The following STS variants were observed in gnomAD, a reference collection of about 807,000 sequenced individuals.
STS encodes steryl-sulfatase.
A neutral mutation model predicts 26.8 loss-of-function variants in STS; 7 were observed. That is an observed-to-expected ratio of 0.26 (90% confidence interval 0.15 to 0.49). The LOEUF (loss-of-function observed/expected upper bound fraction) is 0.49, where lower values mean the gene tolerates loss of function less well. STS is among the 20% of genes least tolerant of loss of function. The pLI is 0.98. For synonymous variants in STS, 199 were observed against 189.4 expected (o/e 1.05, Z -0.42); for missense variants, 434 against 465.6 (o/e 0.93, Z 0.63).
intron 8 of STS, among the ~76,000 whole-genome samples, chrX:7,308,186 T>G (rs1232972254): frequency 8.9e-6 from 1 of 112,082 alleles, no homozygotes; most frequent in Non-Finnish European, 1.9e-5. Flanking sequence ...TTTCATTTTG[T>G]AGATGCCAGT....
intron 1 of STS, among the ~76,000 whole-genome samples, chrX:7,159,158 A>G (rs190598679): frequency 9.0e-5 from 10 of 110,689 alleles, no homozygotes; most frequent in African/African-American, 2.6e-4. Context: ...AAATGCTGTA[A>G]AAACAAACAA....
chrX:7,259,681 A>G lies in STS; in HGVS notation c.715A>G (p.Met239Val), dbSNP rs1218660920. The change falls in exon 6 of 11, where the codon ATG becomes GTG. Residue 239 changes from methionine to valine, a missense_variant. Physicochemically the swap from Met to Val is conservative, Grantham distance 21. This residue lies in a region of STS where 229 missense variants were observed against 288.3 expected (regional missense o/e 0.79). Transcript: ENST00000674429. ...TTACTTCCGGCCCCTGAACTGCTTC[A>G]TGATGAGGAACTACGAGATCATTCA... ...LHYFRPLNCF[M>V]MRNYEIIQQP... 1 of 1,210,932 alleles carries G rather than the reference A, an allele frequency of 8.3e-7. No homozygotes were observed.
chrX:7,257,551 G>C lies in STS; in HGVS notation c.345G>C (p.Lys115Asn), dbSNP rs1923485474. The C allele has an allele frequency of 1.7e-6, 2 of 1,210,563 alleles. No individual in the cohort carries two copies. Among genetic ancestry groups the C allele is most frequent in the South Asian group, 3.5e-5 (2 of 56,848 alleles). Residue 115 changes from lysine (K) to asparagine (N), a missense_variant, in exon 5 of 11, where the codon AAG becomes AAC. Transcript: ENST00000674429. ...CCACCGATGAGATTACCTTTGCTAA[G>C]CTTCTGAAGGATCAAGGTTATTCAA... ...GLPTDEITFA[K>N]LLKDQGYSTA... is the part of the protein sequence containing the mutation.
intron 6 of STS, among the ~76,000 whole-genome samples, chrX:7,275,444 A>G (rs1316537362): frequency 1.8e-5 from 2 of 111,692 alleles, no homozygotes; most frequent in Admixed American, 9.5e-5. Flanking sequence ...AATGATACCT[A>G]TATATACAAA....
chrX:7,150,830 G>A (rs1459878345), intron 1 of STS, among the ~76,000 whole-genome samples: 1 of 111,537 alleles, frequency 9.0e-6, no homozygotes, highest in Non-Finnish European at 1.9e-5. Context: ...AATGTGGTTT[G>A]TACACATATA....
chrX:7,206,145 G>C (rs1326636357), intron 2 of STS, among the ~76,000 whole-genome samples: 6 of 111,868 alleles, frequency 5.4e-5, no homozygotes, highest in African/African-American at 1.6e-4. Context: ...TCAATACTGA[G>C]ATTCATGCCC....
chrX:7,248,395 G>A (rs991164397), intron 2 of STS, among the ~76,000 whole-genome samples: 1 of 112,071 alleles, frequency 8.9e-6, no homozygotes, highest in East Asian at 2.8e-4. Flanking sequence ...TAGAGAAAGA[G>A]CTTCTTGTGG....
intron 3 of STS, among the ~76,000 whole-genome samples, 152 bp from the exon 4 acceptor site, chrX:7,257,089 CA>C (rs1469494509): frequency 8.9e-6 from 1 of 112,023 alleles, no homozygotes; most frequent in African/African-American, 3.2e-5. Context: ...CTGCCTCTAC[CA>C]AAAAATGCAA....
intron 1 of STS, among the ~76,000 whole-genome samples, chrX:7,177,864 A>T (rs933181804): frequency 1.0e-4 from 11 of 110,225 alleles, no homozygotes; most frequent in Admixed American, 7.8e-4. Flanking sequence ...CCCAGGCTCA[A>T]TTGTGGCTCA....
chrX:7,247,818 C>T (rs1489916129), intron 2 of STS, among the ~76,000 whole-genome samples: 1 of 111,759 alleles, frequency 8.9e-6, no homozygotes, highest in African/African-American at 3.3e-5. Flanking sequence ...CAGGCCCCTA[C>T]ACTAACAAAT....
rs1345319044 is a variant in STS, at chrX:7,352,954, C to CA, written c.*2694dup. 3 of 109,343 alleles carry CA rather than the reference C, an allele frequency of 2.7e-5. No individual in the cohort carries two copies. Among genetic ancestry groups the CA allele is most frequent in the Non-Finnish European group, 5.7e-5 (3 of 52,725 alleles). 9.0% of individuals were successfully genotyped at this position (109,343 alleles called of 1,213,427 possible). A position where few individuals can be genotyped will look rare whatever the true frequency, so the allele number is the denominator to read the frequency against. On this transcript the variant is annotated 3_prime_UTR_variant, in exon 11 of 11. Coordinates refer to ENST00000674429, the MANE Select transcript of STS (RefSeq NM_001320752.2). ...GAAAAGTGAAGGGGAAACACACACA[C>CA]ACAAAAAAACAAGTATTTGGCTTGT...
intron 2 of STS, among the ~76,000 whole-genome samples, chrX:7,224,716 T>A (rs1291844028): frequency 8.9e-6 from 1 of 112,007 alleles, no homozygotes; most frequent in Non-Finnish European, 1.9e-5. Context: ...CCCAATCTGT[T>A]GCATTCCACG....
intron 1 of STS, among the ~76,000 whole-genome samples, chrX:7,168,110 C>G (rs1372192467): frequency 9.0e-6 from 1 of 111,072 alleles, no homozygotes; most frequent in Non-Finnish European, 1.9e-5. Context: ...CATTTCCACC[C>G]TCACTCAAGA....
chrX:7,260,485 A>G (rs954977279), intron 6 of STS, among the ~76,000 whole-genome samples: 2 of 111,623 alleles, frequency 1.8e-5, no homozygotes, highest in African/African-American at 6.5e-5. Flanking sequence ...GGCTCACTGC[A>G]ACCTCCACCT....
chrX:7,236,708 G>GT (rs748166850), intron 2 of STS, among the ~76,000 whole-genome samples: 1 of 111,919 alleles, frequency 8.9e-6, no homozygotes, highest in South Asian at 3.6e-4. Flanking sequence ...CATTTGACTA[G>GT]TCCTTTTTTC....
intron 2 of STS, among the ~76,000 whole-genome samples, chrX:7,242,423 T>C (rs186476302): frequency 4.0e-4 from 43 of 108,133 alleles, no homozygotes; most frequent in African/African-American, 1.4e-3. Flanking sequence ...GGAGAGACCC[T>C]GTCTCTATAA....
intron 5 of STS, 31 bp downstream of exon 5, chrX:7,257,619 A>G: frequency 8.3e-7 from 1 of 1,209,783 alleles, no homozygotes; most frequent in Non-Finnish European, 1.1e-6. Flanking sequence ...GGAACCATCT[A>G]TAGGTATGGG....
At chrX:7,179,227 G>A (rs751281606) in intron 1 of STS, among the ~76,000 whole-genome samples, 32 of 105,443 alleles carry the variant, frequency 3.0e-4, no homozygotes, top group African/African-American at 4.9e-4. Flanking sequence ...AGTCCTTCTC[G>A]TGAAAATGAT....
intron 8 of STS, among the ~76,000 whole-genome samples, chrX:7,324,725 G>C (rs1336076518): frequency 9.0e-6 from 1 of 111,506 alleles, no homozygotes; most frequent in African/African-American, 3.3e-5. Flanking sequence ...GACTGAACTA[G>C]TGTTTCAGGT....
Sources: allele counts gnomAD v4.1 joint callset (sites outside exome capture counted in the v4.1 genomes callset), GRCh38; gene constraint gnomAD v4.1.1; regional missense constraint gnomAD v4.1.1; transcripts MANE v1.5; gene names NCBI Gene and HGNC (gene_info 2026-07-23, HGNC 2026-07-21).